The following MLNR variants were observed in gnomAD, a reference collection of about 807,000 sequenced individuals.
The protein encoded by MLNR is G protein-coupled receptor 38.
A neutral mutation model predicts 20.0 loss-of-function variants in MLNR; 16 were observed. The ratio of observed to expected loss-of-function variants is 0.80; its 90% CI spans 0.54 to 1.22. MLNR has a LOEUF of 1.22. Ranked by LOEUF, MLNR falls within the 50% of genes most tolerant of loss-of-function variation. The pLI is 0.00. For missense variants in MLNR, 630 were observed against 592.3 expected, an observed-to-expected ratio of 1.06 and a Z score of -0.66; for synonymous variants, 302 against 287.2, an observed-to-expected ratio of 1.05 and a Z score of -0.52.
In MLNR at chr13:49,220,373, G is replaced by C; in HGVS notation, c.36G>C (p.Glu12Asp). 1 of 1,445,052 alleles carries C rather than the reference G, an allele frequency of 6.9e-7. No individual in the cohort carries two copies. The highest frequency in any genetic ancestry group is 1.4e-5 in the South Asian group (1 of 69,634). The allele number at this position is 1,445,052 out of a possible 1,614,324, so 89.5% of individuals were successfully genotyped here. ...GSPWNGSDGP[E>D]GAREPPWPAL... ...CCTGGAACGGCAGCGACGGCCCCGA[G>C]GGGGCGCGGGAGCCGCCGTGGCCCG... Residue 12 changes from glutamate to aspartate, a missense_variant, in exon 1 of 2, where the codon GAG (glutamate) becomes GAC (aspartate). Transcript: ENST00000218721. The surrounding 1 kb of genome is among the most constrained non-coding windows in gnomAD (Gnocchi z 4.4).
At position 49,221,120 on chromosome 13, in the gene MLNR, G is replaced by GGA. The variant is rs745892813; in HGVS notation, c.783_784insGA (p.Cys262AspfsTer48). 8 of 1,592,050 alleles carry GGA rather than the reference G, an allele frequency of 5.0e-6. No individual in the cohort carries two copies. The highest frequency in any genetic ancestry group is 5.9e-6 in the Non-Finnish European group (7 of 1,177,238). ...CCGCCTACTTCTTCCTGCCCTTTCT[G>GGA]TGCCTCAGCATCCTCTACGGGCTCA... is the stretch of plus-strand genomic sequence containing the variant. On this transcript the variant is annotated frameshift_variant, in exon 1 of 2. Coordinates refer to ENST00000218721, the MANE Select transcript of MLNR (RefSeq NM_001507.1). LOFTEE classifies it high-confidence loss of function.
rs61748632 is a variant in MLNR at position 49,222,270 on chromosome 13, A to C, written c.1132A>C (p.Arg378=). The change falls in exon 2 of 2, where the codon AGA becomes CGA. Residue 378 remains arginine (R), a synonymous_variant. Transcript: ENST00000218721. ...KLLLARKSRP[R]GFHRSRDTAG... is the part of the protein sequence containing the mutation. ...GCTGCTCGCAAGGAAGTCCAGGCCG[A>C]GAGGCTTCCACAGAAGCAGGGACAC... The C allele has an allele frequency of 6.8e-6, 11 of 1,614,018 alleles. No individual in the cohort carries two copies. The highest frequency in any genetic ancestry group is 9.3e-6 in the Non-Finnish European group (11 of 1,180,016).
Position 49,220,929 on chromosome 13 carries a change from G to A in MLNR, c.592G>A (p.Ala198Thr), listed in dbSNP as rs1261588026. ...GGGCCTCAATGGCACCGCGCGGATC[G>A]CCTCCTCGCCTCTCGCCTCGTCGCC... The part of the protein sequence containing the change: ...VPGLNGTARI[A>T]SSPLASSPPL... Residue 198 changes from alanine to threonine, a missense_variant, in exon 1 of 2, where the codon GCC becomes ACC. Transcript: ENST00000218721. The surrounding 1 kb of genome is among the most constrained non-coding windows in gnomAD (Gnocchi z 4.4). 2.0e-6 allele frequency: 3 copies of A among 1,532,574 alleles called. No individual in the cohort carries two copies. Among genetic ancestry groups the A allele is most frequent in the East Asian group, 2.7e-5 (1 of 37,680 alleles). 94.9% of individuals were successfully genotyped at this position (1,532,574 alleles called of 1,614,324 possible).
chr13:49,221,824 A>T (rs1445415549), intron 1 of MLNR, among the ~76,000 whole-genome samples: 1 of 152,248 alleles, frequency 6.6e-6, no homozygotes, highest in Admixed American at 6.5e-5. Flanking sequence ...TCCAGCCTTG[A>T]TAACACATAT....
rs1304838537 is a variant in MLNR at position 49,220,773 on chromosome 13, G to A, written c.436G>A (p.Ala146Thr). Residue 146 changes from alanine (A) to threonine (T), a missense_variant, in exon 1 of 2, where the codon GCC (alanine) becomes ACC (threonine). By Grantham distance (58) the Ala-to-Thr change is moderately conservative. Coordinates refer to ENST00000218721, the MANE Select transcript of MLNR (RefSeq NM_001507.1). This position sits in a 1 kb window ranked among gnomAD's most constrained non-coding sequence, Gnocchi z 4.4. ...RYLAICRPLR[A>T]RVLVTRRRVR... ...CCTGGCCATCTGCCGCCCGCTCCGCGCCCGCGTCTTGGTCACCCGGCGCCG... is the reference window on the plus strand; with the variant it reads ...CCTGGCCATCTGCCGCCCGCTCCGCACCCGCGTCTTGGTCACCCGGCGCCG... 1 of 1,566,812 alleles carries A rather than the reference G, an allele frequency of 6.4e-7. No individual in the cohort carries two copies.
chr13:49,221,156 G>T lies in MLNR; in HGVS notation c.819G>T (p.Glu273Asp). ...LSILYGLIGR[E>D]LWSSRRPLRG... ...TCCTCTACGGGCTCATCGGGCGGGA[G>T]CTGTGGAGCAGCCGGCGGCCGCTGC... The change falls in exon 1 of 2, where the codon GAG becomes GAT. Residue 273 changes from glutamate to aspartate, a missense_variant. Glu to Asp is a conservative substitution (Grantham distance 45, BLOSUM62 2). Coordinates refer to ENST00000218721, the MANE Select transcript of MLNR (RefSeq NM_001507.1). The T allele has an allele frequency of 6.3e-7, 1 of 1,590,616 alleles. No individual in the cohort carries two copies. The highest frequency in any genetic ancestry group is 8.5e-7 in the Non-Finnish European group (1 of 1,176,718).
At position 49,220,961 on chromosome 13, in the gene MLNR, C is replaced by A. The variant is rs776996055; in HGVS notation, c.624C>A (p.Leu208=). The change falls in exon 1 of 2, where the codon CTC becomes CTA. Residue 208 remains leucine (L), a synonymous_variant. Coordinates refer to ENST00000218721, the MANE Select transcript of MLNR (RefSeq NM_001507.1). The surrounding 1 kb of genome is among the most constrained non-coding windows in gnomAD (Gnocchi z 4.4). ...ASSPLASSPP[L]WLSRAPPPSP... ...CGCCTCTCGCCTCGTCGCCGCCTCT[C>A]TGGCTCTCGCGGGCGCCACCGCCGT... 2 of 1,500,632 alleles carry A rather than the reference C, an allele frequency of 1.3e-6. No individual in the cohort carries two copies. Among genetic ancestry groups the A allele is most frequent in the Non-Finnish European group, 8.9e-7 (1 of 1,129,214 alleles). 93.0% of individuals were successfully genotyped at this position (1,500,632 alleles called of 1,614,324 possible). A position where few individuals can be genotyped will look rare whatever the true frequency, so the allele number is the denominator to read the frequency against.
rs200547315 is a variant in MLNR at position 49,222,194 on chromosome 13, A to T, written c.1056A>T (p.Pro352=). 6.2e-7 allele frequency: 1 copy of T among 1,614,134 alleles called. No homozygotes were observed. Among genetic ancestry groups the T allele is most frequent in the East Asian group, 2.2e-5 (1 of 44,886 alleles). The change falls in exon 2 of 2, where the codon CCA becomes CCT. Residue 352 remains proline, a synonymous_variant. Transcript: ENST00000218721. The part of the protein sequence containing the change: ...QLFYLSASIN[P]ILYNLISKKY... ...TCTATCTGAGCGCATCTATCAACCCAATCCTCTACAACCTCATTTCAAAGA... is the reference window on the plus strand; with the variant it reads ...TCTATCTGAGCGCATCTATCAACCCTATCCTCTACAACCTCATTTCAAAGA...
Position 49,222,296 on chromosome 13 carries a change from T to A in MLNR, c.1158T>A (p.Thr386=), listed in dbSNP as rs1332393017. ...GAGGCTTCCACAGAAGCAGGGACACTGCGGGGGAAGTTGCAGGGGACACTG... is the reference window on the plus strand; with the variant it reads ...GAGGCTTCCACAGAAGCAGGGACACAGCGGGGGAAGTTGCAGGGGACACTG... ...RPRGFHRSRD[T]AGEVAGDTGG... Residue 386 remains threonine (T), a synonymous_variant, in exon 2 of 2, where the codon ACT becomes ACA. Transcript: ENST00000218721. The A allele has an allele frequency of 4.3e-6, 7 of 1,613,132 alleles. No individual in the cohort carries two copies. The highest frequency in any genetic ancestry group is 5.9e-6 in the Non-Finnish European group (7 of 1,179,864).
In MLNR at chr13:49,220,490, C is replaced by T; in HGVS notation, c.153C>T (p.Val51=). ...CTGTGTGCCTGTGCCTGTTCGTCGT[C>T]GGGGTGAGCGGCAACGTGGTGACCG... The part of the protein sequence containing the change: ...VTAVCLCLFV[V]GVSGNVVTVM... Residue 51 remains valine (V), a synonymous_variant, in exon 1 of 2, where the codon GTC becomes GTT. Transcript: ENST00000218721. This position sits in a 1 kb window ranked among gnomAD's most constrained non-coding sequence, Gnocchi z 4.4. 1 of 1,593,486 alleles carries T rather than the reference C, an allele frequency of 6.3e-7. No homozygotes were observed. The highest frequency in any genetic ancestry group is 8.5e-7 in the Non-Finnish European group (1 of 1,171,018).
rs768408151 is a variant in MLNR, at chr13:49,220,639, C to G, written c.302C>G (p.Ser101Trp). ...LPFDLYRLWR[S>W]RPWVFGPLLC... is the part of the protein sequence containing the mutation. Reference sequence around the variant, plus strand: ...TTCGACCTGTACCGCCTCTGGCGCTCGCGGCCCTGGGTGTTCGGGCCGCTG... The same window carrying G: ...TTCGACCTGTACCGCCTCTGGCGCTGGCGGCCCTGGGTGTTCGGGCCGCTG... Residue 101 changes from serine to tryptophan, a missense_variant, in exon 1 of 2, where the codon TCG (serine) becomes TGG (tryptophan). Transcript: ENST00000218721. The surrounding 1 kb of genome is among the most constrained non-coding windows in gnomAD (Gnocchi z 4.4). 1 of 1,611,194 alleles carries G rather than the reference C, an allele frequency of 6.2e-7. No homozygotes were observed. The highest frequency in any genetic ancestry group is 8.5e-7 in the Non-Finnish European group (1 of 1,179,104).
chr13:49,221,977 G>A (rs897419593), intron 1 of MLNR, 63 bp from the exon 2 acceptor site: 14 of 1,420,224 alleles, frequency 9.9e-6, no homozygotes, highest in Non-Finnish European at 1.3e-5. Flanking sequence ...TCCTTGTCGG[G>A]GTGGGGGGTT....
rs1450999429 is a variant in MLNR, at chr13:49,222,340, A to G, written c.1202A>G (p.Tyr401Cys). Reference sequence around the variant, plus strand: ...GACACTGGAGGAGACACGGTGGGCTACACCGAGACAAGCGCTAACGTGAAG... The same window carrying G: ...GACACTGGAGGAGACACGGTGGGCTGCACCGAGACAAGCGCTAACGTGAAG... ...AGDTGGDTVG[Y>C]TETSANVKTM... Residue 401 changes from tyrosine (Y) to cysteine (C), a missense_variant, in exon 2 of 2, where the codon TAC becomes TGC. Physicochemically the swap from Tyr to Cys is radical, Grantham distance 194. Transcript: ENST00000218721. 3 of 1,610,234 alleles carry G rather than the reference A, an allele frequency of 1.9e-6. No individual in the cohort carries two copies. The highest frequency in any genetic ancestry group is 2.5e-6 in the Non-Finnish European group (3 of 1,178,558).
At chr13:49,221,551 C>T (rs1399909436) in intron 1 of MLNR, among the ~76,000 whole-genome samples, 1 of 152,174 alleles carries the variant, frequency 6.6e-6, no homozygotes, top group East Asian at 1.9e-4. Context: ...TTAATCCAAC[C>T]ACCTGTTAGA....
Position 49,220,974 on chromosome 13 carries a change from G to C in MLNR, c.637G>C (p.Ala213Pro). 3 of 1,491,040 alleles carry C rather than the reference G, an allele frequency of 2.0e-6. No individual in the cohort carries two copies. The highest frequency in any genetic ancestry group is 1.8e-6 in the Non-Finnish European group (2 of 1,125,972). The allele number at this position is 1,491,040 out of a possible 1,614,324, so 92.4% of individuals were successfully genotyped here. A position where few individuals can be genotyped will look rare whatever the true frequency, so the allele number is the denominator to read the frequency against. Residue 213 changes from alanine (A) to proline (P), a missense_variant, in exon 1 of 2, where the codon GCG becomes CCG. Physicochemically the swap from Ala to Pro is conservative, Grantham distance 27. Transcript: ENST00000218721. This position sits in a 1 kb window ranked among gnomAD's most constrained non-coding sequence, Gnocchi z 4.4. ...GTCGCCGCCTCTCTGGCTCTCGCGG[G>C]CGCCACCGCCGTCCCCGCCGTCGGG... ...ASSPPLWLSR[A>P]PPPSPPSGPE... is the part of the protein sequence containing the mutation.
Position 49,220,536 on chromosome 13 carries a change from C to G in MLNR, c.199C>G (p.Arg67Gly), listed in dbSNP as rs769275756. The G allele has an allele frequency of 3.7e-6, 6 of 1,611,280 alleles. No homozygotes were observed. Among genetic ancestry groups the G allele is most frequent in the Non-Finnish European group, 8.5e-7 (1 of 1,178,830 alleles). ...VVTVMLIGRY[R>G]DMRTTTNLYL... ...GACCGTGATGCTGATCGGGCGCTAC[C>G]GGGACATGCGGACCACCACCAACTT... Residue 67 changes from arginine (R) to glycine (G), a missense_variant, in exon 1 of 2, where the codon CGG becomes GGG. Arg to Gly is a moderately radical substitution (Grantham distance 125, BLOSUM62 -2). Transcript: ENST00000218721. This position sits in a 1 kb window ranked among gnomAD's most constrained non-coding sequence, Gnocchi z 4.4.
Position 49,221,035 on chromosome 13 carries a change from G to A in MLNR, c.698G>A (p.Arg233His). 6.4e-7 allele frequency: 1 copy of A among 1,565,078 alleles called. No homozygotes were observed. The highest frequency in any genetic ancestry group is 8.6e-7 in the Non-Finnish European group (1 of 1,166,464). ...ETAEAAALFS[R>H]ECRPSPAQLG... ...GCGGAGGCCGCGGCGCTGTTCAGCC[G>A]CGAATGCCGGCCGAGCCCCGCGCAG... Residue 233 changes from arginine (R) to histidine (H), a missense_variant, in exon 1 of 2, where the codon CGC (arginine) becomes CAC (histidine). Physicochemically the swap from Arg to His is conservative, Grantham distance 29. Transcript: ENST00000218721.
In MLNR at chr13:49,220,739, C is replaced by T; in HGVS notation, c.402C>T (p.Val134=). Reference sequence around the variant, plus strand: ...TGCTGCACATGACCGCGCTCAGCGTCGAGCGCTACCTGGCCATCTGCCGCC... The same window carrying T: ...TGCTGCACATGACCGCGCTCAGCGTTGAGCGCTACCTGGCCATCTGCCGCC... ...ATLLHMTALS[V]ERYLAICRPL... Residue 134 remains valine (V), a synonymous_variant, in exon 1 of 2, where the codon GTC becomes GTT. Coordinates refer to ENST00000218721, the MANE Select transcript of MLNR (RefSeq NM_001507.1). This position sits in a 1 kb window ranked among gnomAD's most constrained non-coding sequence, Gnocchi z 4.4. The T allele has an allele frequency of 6.3e-7, 1 of 1,578,800 alleles. No individual in the cohort carries two copies.
At chr13:49,221,385 C>A (rs1593767699) in intron 1 of MLNR, 147 bp downstream of exon 1, 2 of 829,502 alleles carry the variant, frequency 2.4e-6, no homozygotes, top group Non-Finnish European at 3.8e-6. Flanking sequence ...AGCCTCCACC[C>A]GCCGGTACTT....
Sources: allele counts gnomAD v4.1 joint callset (sites outside exome capture counted in the v4.1 genomes callset), GRCh38; gene constraint gnomAD v4.1.1; non-coding constraint Gnocchi (gnomAD v3.1); transcripts MANE v1.5; gene names NCBI Gene and HGNC (gene_info 2026-07-23, HGNC 2026-07-21).